MYO5B: variants seen among roughly 807,000 people sequenced by gnomAD.
MYO5B encodes unconventional myosin-Vb.
Under a neutral mutation model 229.3 loss-of-function variants are expected in MYO5B, and 143 were observed. The ratio of observed to expected loss-of-function variants is 0.62; its 90% CI spans 0.54 to 0.72. The LOEUF (loss-of-function observed/expected upper bound fraction) is 0.72, where lower values mean the gene tolerates loss of function less well. MYO5B is among the 30% of genes least tolerant of loss of function. The probability of loss-of-function intolerance (pLI) is 0.00; values close to 1 mark genes in which losing one functional copy is unlikely to be tolerated. For missense variants in MYO5B, 2,321 were observed against 2,331.0 expected (o/e 1.00, Z 0.09); for synonymous variants, 918 against 885.2 (o/e 1.04, Z -0.66).
intron 30 of MYO5B, among the ~76,000 whole-genome samples, chr18:49,854,789 A>T (rs1479706622): frequency 1.3e-5 from 2 of 152,112 alleles, no homozygotes; most frequent in African/African-American, 4.8e-5. Context: ...GGGAGGTGAG[A>T]ATTATCATAA....
At chr18:50,065,700 C>G (rs916181963) in intron 1 of MYO5B, among the ~76,000 whole-genome samples, 8 of 152,098 alleles carry the variant, frequency 5.3e-5, no homozygotes, top group Admixed American at 1.3e-4. Flanking sequence ...GATCCCGGAC[C>G]ACATGCGGCT....
At chr18:49,874,194 T>C (rs1378122480) in intron 26 of MYO5B, among the ~76,000 whole-genome samples, 1 of 152,258 alleles carries the variant, frequency 6.6e-6, no homozygotes, top group Non-Finnish European at 1.5e-5. Context: ...GGCCCAGGCC[T>C]AGAGTTCTAA....
chr18:50,028,718 C>T (rs776597428), intron 4 of MYO5B, among the ~76,000 whole-genome samples: 2 of 152,186 alleles, frequency 1.3e-5, no homozygotes, highest in Non-Finnish European at 1.5e-5. Context: ...AGGGCAGCAT[C>T]CAAAAGACCA....
intron 32 of MYO5B, 53 bp downstream of exon 32, chr18:49,849,514 C>T (rs747803932): frequency 3.0e-5 from 38 of 1,272,980 alleles, no homozygotes; most frequent in Middle Eastern, 2.6e-4. Flanking sequence ...CACCCACAGG[C>T]GTGGCCAAGT....
At chr18:50,127,102 T>C (rs565672610) in intron 1 of MYO5B, among the ~76,000 whole-genome samples, 37 of 152,292 alleles carry the variant, frequency 2.4e-4, no homozygotes, top group East Asian at 9.6e-4. Context: ...CCAGTTAACA[T>C]AGGCAATTGA....
intron 7 of MYO5B, 68 bp downstream of exon 7, chr18:49,990,371 G>GC: frequency 7.5e-7 from 1 of 1,337,260 alleles, no homozygotes. Context: ...TTTGAGCAGA[G>GC]CCCCCAGCTG....
intron 1 of MYO5B, among the ~76,000 whole-genome samples, chr18:50,138,178 C>A (rs1568121082): frequency 1.3e-5 from 2 of 152,176 alleles, no homozygotes; most frequent in African/African-American, 2.4e-5. Context: ...CCCACAAGCA[C>A]AACCTTCACA....
chr18:50,083,188 C>A (rs1034584885), intron 1 of MYO5B, among the ~76,000 whole-genome samples: 36 of 152,228 alleles, frequency 2.4e-4, no homozygotes, highest in African/African-American at 8.7e-4. Context: ...TGGGGGAAGG[C>A]ACACAGTCTC....
At position 49,918,199 on chromosome 18, in the gene MYO5B, A is replaced by G. The variant is rs2025037755; in HGVS notation, c.2091-6026T>C. Among the ~76,000 whole-genome samples, 6 of 152,348 alleles carry G rather than the reference A, an allele frequency of 3.9e-5. No homozygotes were observed. The South Asian group carries it at 8.3e-4, about 21-fold the overall frequency. On this transcript the variant is annotated intron_variant, in intron 17 of 39. Transcript: ENST00000285039. ...TGCACGTGCAAATATTCTGCAGAAC[A>G]ACATGCCTGCTTGCAAGGGCCCCAA... is the stretch of plus-strand genomic sequence containing the variant.
chr18:49,882,626 CAAAA>C (rs10683323), intron 22 of MYO5B, among the ~76,000 whole-genome samples: 5 of 93,826 alleles, frequency 5.3e-5, no homozygotes, highest in East Asian at 3.2e-4. Flanking sequence ...GAAATCATCT[CAAAA>C]AAAAAAAAAA....
chr18:50,036,330 A>T (rs1200393397), intron 4 of MYO5B, among the ~76,000 whole-genome samples: 1 of 152,218 alleles, frequency 6.6e-6, no homozygotes, highest in Non-Finnish European at 1.5e-5. Context: ...TTAAATGCCT[A>T]AACAGAGCTC....
chr18:49,978,487 A>G (rs2025777865), intron 9 of MYO5B, among the ~76,000 whole-genome samples: 1 of 151,922 alleles, frequency 6.6e-6, no homozygotes, highest in South Asian at 2.1e-4. Flanking sequence ...AGCCTCACTA[A>G]GATCTCAGAA....
chr18:49,896,246 T>C (rs558528037), intron 21 of MYO5B, among the ~76,000 whole-genome samples: 5 of 152,282 alleles, frequency 3.3e-5, no homozygotes, highest in Admixed American at 3.3e-4. Flanking sequence ...GTCCATTTCC[T>C]GCACCAACAC....
At chr18:49,843,617 C>A (rs1321964048) in intron 33 of MYO5B, among the ~76,000 whole-genome samples, 1 of 152,224 alleles carries the variant, frequency 6.6e-6, no homozygotes, top group Non-Finnish European at 1.5e-5. Context: ...ACAAACAAAA[C>A]CACATTCCTA....
chr18:49,930,917 A>G (rs1014597511), intron 16 of MYO5B, among the ~76,000 whole-genome samples: 2 of 151,764 alleles, frequency 1.3e-5, no homozygotes, highest in African/African-American at 4.8e-5. Context: ...TAAGAAAAAA[A>G]AAAGAAGGCA....
chr18:49,858,464 G>T (rs201225451), intron 29 of MYO5B, among the ~76,000 whole-genome samples: 1 of 152,174 alleles, frequency 6.6e-6, no homozygotes, highest in Non-Finnish European at 1.5e-5. Flanking sequence ...TGACTCCTGC[G>T]CCAGGACCCA....
chr18:49,911,635 G>T (rs998812525), intron 18 of MYO5B, among the ~76,000 whole-genome samples: 3 of 152,194 alleles, frequency 2.0e-5, no homozygotes, highest in Admixed American at 1.3e-4. Flanking sequence ...CTGAATAAAT[G>T]CAAGTCTGAT....
In MYO5B at chr18:49,875,785, G is replaced by A. The variant is rs1325851546; in HGVS notation, c.3439C>T (p.Leu1147=). 4 of 1,614,012 alleles carry A rather than the reference G, an allele frequency of 2.5e-6. No homozygotes were observed. The African/African-American group carries it at 4.0e-5, about 16-fold the overall frequency. ...EKAAMDMTVF[L]KLQKRVRELE... Reference sequence around the variant, plus strand: ...TCCCGTACTCTCTTCTGCAGCTTCAGGAAGACCGTCATGTCCATGGCTGCC... The same window carrying A: ...TCCCGTACTCTCTTCTGCAGCTTCAAGAAGACCGTCATGTCCATGGCTGCC... The change falls in exon 26 of 40, where the codon CTG becomes TTG. Residue 1147 remains leucine (L), a synonymous_variant. Transcript: ENST00000285039.
At chr18:49,896,334 T>C (rs2024778798) in intron 21 of MYO5B, among the ~76,000 whole-genome samples, 1 of 152,184 alleles carries the variant, frequency 6.6e-6, no homozygotes, top group South Asian at 2.1e-4. Context: ...CCTTCAAGCC[T>C]GGTCTGCCTG....
Sources: gnomAD v4.1 joint callset for allele counts (sites outside exome capture counted in the v4.1 genomes callset) on GRCh38, gnomAD v4.1.1 for gene constraint, MANE v1.5 for transcripts, NCBI Gene and HGNC (gene_info 2026-07-23, HGNC 2026-07-21) for gene names.